Variants in LHX3 observed in about 807,000 individuals in gnomAD.
LHX3 encodes LIM/homeobox protein Lhx3.
In LHX3, 21 loss-of-function variants were observed where a neutral mutation model predicts 32.4. That is an observed-to-expected ratio of 0.65 (90% CI 0.46 to 0.93). The LOEUF (loss-of-function observed/expected upper bound fraction) is 0.93, where lower values mean the gene tolerates loss of function less well. Among genes scored for constraint, LHX3 ranks in the 40% least tolerant of loss-of-function variants. The pLI, the probability that LHX3 is intolerant of heterozygous loss-of-function variation, is 0.00. For missense variants in LHX3, 626 were observed against 560.0 expected, an observed-to-expected ratio of 1.12 and a Z score of -1.19; for synonymous variants, 258 against 246.8, an observed-to-expected ratio of 1.05 and a Z score of -0.43.
At chr9:136,202,197 C>A (rs534241559) in intron 1 of LHX3, among the ~76,000 whole-genome samples, 1 of 151,514 alleles carries the variant, frequency 6.6e-6, no homozygotes, top group African/African-American at 2.4e-5. Context: ...TCCCAGGAAC[C>A]GTCGAAAAAT....
Position 136,198,833 on chromosome 9 carries a change from C to T in LHX3, c.607-13G>A. ...TCTGGAACCAAACCTGGGGGCGGGG[C>T]GGGGTGAGCGGCCGCCCGGCTCTGC... On this transcript the variant is annotated splice_polypyrimidine_tract_variant and intron_variant, in intron 4 of 5. Transcript: ENST00000371748. The T allele has an allele frequency of 6.3e-7, 1 of 1,596,524 alleles. No homozygotes were observed. The highest frequency in any genetic ancestry group is 8.5e-7 in the Non-Finnish European group (1 of 1,173,528).
intron 2 of LHX3, 172 bp downstream of exon 2, chr9:136,200,410 C>T: frequency 1.4e-6 from 1 of 713,718 alleles, no homozygotes; most frequent in Non-Finnish European, 2.4e-6. Flanking sequence ...CATGGAGAGG[C>T]CCCACCCTTA....
Position 136,205,126 on chromosome 9 carries a change from A to T in LHX3, c.-114T>A. Reference sequence around the variant, plus strand: ...GTGCGGGGCAGGGAGCCCGGGAGCCACTGGGCCTGGCGCTGTCCGCGGTGC... The same window carrying T: ...GTGCGGGGCAGGGAGCCCGGGAGCCTCTGGGCCTGGCGCTGTCCGCGGTGC... On this transcript the variant is annotated 5_prime_UTR_variant, in exon 1 of 6. Transcript: ENST00000371748. 2.3e-6 allele frequency: 2 copies of T among 870,538 alleles called. No individual in the cohort carries two copies. The allele number at this position is 870,538 out of a possible 1,614,324, so 53.9% of individuals were successfully genotyped here.
intron 1 of LHX3, 149 bp from the exon 2 acceptor site, chr9:136,200,902 G>A (rs1831625720): frequency 9.8e-7 from 1 of 1,017,502 alleles, no homozygotes; most frequent in African/African-American, 1.6e-5. Context: ...CTCTTCCCCA[G>A]CCAGCTTAAG....
At position 136,197,475 on chromosome 9, in the gene LHX3, G is replaced by T; in HGVS notation, c.1044C>A (p.Pro348=). The T allele has an allele frequency of 6.4e-7, 1 of 1,569,376 alleles. No homozygotes were observed. The highest frequency in any genetic ancestry group is 2.4e-5 in the East Asian group (1 of 42,202). The change falls in exon 6 of 6, where the codon CCC becomes CCA. Residue 348 remains proline (P), a synonymous_variant. Transcript: ENST00000371748. ...VYPDTSLGLV[P]SGAPGGPPPM... is the part of the protein sequence containing the mutation. ...GTGGGGGCCCGCCGGGGGCTCCCGA[G>T]GGCACAAGGCCCAAGCTGGTGTCTG...
chr9:136,204,882 G>A (rs1035394114), intron 1 of LHX3, 52 bp downstream of exon 1: 7 of 1,471,754 alleles, frequency 4.8e-6, no homozygotes, highest in South Asian at 1.2e-5. Flanking sequence ...CCCCTTCCTC[G>A]CGCCTCTGCC....
At chr9:136,204,128 T>C (rs1831706006) in intron 1 of LHX3, among the ~76,000 whole-genome samples, 1 of 152,224 alleles carries the variant, frequency 6.6e-6, no homozygotes, top group Non-Finnish European at 1.5e-5. Context: ...ACAGCAATAC[T>C]CTGTCCACTC....
In LHX3 at chr9:136,197,599, C is replaced by G. The variant is rs182345541; in HGVS notation, c.920G>C (p.Arg307Pro). 2,134 of 1,548,308 alleles carry G rather than the reference C, an allele frequency of 1.4e-3. 2 individuals carry two copies. The highest frequency in any genetic ancestry group is 1.8e-3 in the Non-Finnish European group (2,027 of 1,146,100). The change falls in exon 6 of 6, where the codon CGA becomes CCA. Residue 307 changes from arginine to proline, a missense_variant. Physicochemically the swap from Arg to Pro is moderately radical, Grantham distance 103. Coordinates refer to ENST00000371748, the MANE Select transcript of LHX3 (RefSeq NM_178138.6). ...GTAGGGGCTGCCGGGACGCAGCTCTCGGTACTGCTCTGGGCCTGCCAGGCC... is the reference window on the plus strand; with the variant it reads ...GTAGGGGCTGCCGGGACGCAGCTCTGGGTACTGCTCTGGGCCTGCCAGGCC... ...HGGLAGPEQY[R>P]ELRPGSPYGV...
At chr9:136,200,920 G>A (rs192367603) in intron 1 of LHX3, among the ~76,000 whole-genome samples, 167 bp from the exon 2 acceptor site, 10 of 152,316 alleles carry the variant, frequency 6.6e-5, no homozygotes, top group Admixed American at 5.9e-4. Flanking sequence ...AAGTGGCCCC[G>A]CAAGTTCCGG....
chr9:136,197,761 G>C lies in LHX3; in HGVS notation c.776-18C>G. 1 of 1,598,636 alleles carries C rather than the reference G, an allele frequency of 6.3e-7. No homozygotes were observed. The highest frequency in any genetic ancestry group is 1.1e-5 in the South Asian group (1 of 90,766). On this transcript the variant is annotated intron_variant, in intron 5 of 5. Coordinates refer to ENST00000371748, the MANE Select transcript of LHX3 (RefSeq NM_178138.6). ...AGGCTCATCTGCAACAGAAGCAGAG[G>C]CTCAGTCAGCGCCTGCCCTCCACCT...
chr9:136,200,026 C>T (rs1353833486), intron 2 of LHX3, 146 bp from the exon 3 acceptor site: 1 of 841,188 alleles, frequency 1.2e-6, no homozygotes, highest in Non-Finnish European at 1.9e-6. Flanking sequence ...CCAGCCTGGC[C>T]GCCGGGGCAG....
At chr9:136,204,829 A>C in intron 1 of LHX3, 105 bp downstream of exon 1, 1 of 911,708 alleles carries the variant, frequency 1.1e-6, no homozygotes, top group Non-Finnish European at 1.7e-6. Flanking sequence ...CCGCCTGCAG[A>C]GCGGCGGGAC....
In LHX3 at chr9:136,199,879, G is replaced by T. The variant is rs1042143543; in HGVS notation, c.253C>A (p.Arg85Ser). ...CACGCGGCGCACTTGGTCCCGAAGC[G>T]CCTGCGGGACGCACAGGGCCGGGCT... Reference protein sequence around the residue: ...SVYCKDDFFKRFGTKCAACQL... With the variant: ...SVYCKDDFFKSFGTKCAACQL... Residue 85 changes from arginine (R) to serine (S), a missense_variant and splice_region_variant, in exon 3 of 6, where the codon CGC becomes AGC. By Grantham distance (110) the Arg-to-Ser change is moderately radical. Coordinates refer to ENST00000371748, the MANE Select transcript of LHX3 (RefSeq NM_178138.6). The T allele has an allele frequency of 6.3e-6, 10 of 1,585,926 alleles. No homozygotes were observed. In the Admixed American group the frequency reaches 8.9e-5, roughly 14 times the overall value.
At position 136,197,326 on chromosome 9, in the gene LHX3, C is replaced by T; in HGVS notation, c.1193G>A (p.Ter398=). 6.2e-7 allele frequency: 1 copy of T among 1,611,764 alleles called. No homozygotes were observed. Among genetic ancestry groups the T allele is most frequent in the South Asian group, 1.1e-5 (1 of 91,032 alleles). ...GTGCAGGGTGGAGCCGGGCCTGGGT[C>T]AGAACTGAGCGTGGTCTACCTCATC... ...WLDEVDHAQF[*] The change falls in exon 6 of 6, where the codon TGA becomes TAA. Residue 398 remains the stop codon, a stop_retained_variant. Transcript: ENST00000371748.
chr9:136,199,967 G>T, intron 2 of LHX3, 87 bp from the exon 3 acceptor site: 1 of 1,370,724 alleles, frequency 7.3e-7, no homozygotes, highest in Non-Finnish European at 1.0e-6. Context: ...GCGGCTGCCT[G>T]GGAAGGCGGC....
At chr9:136,200,355 A>G in intron 2 of LHX3, 1 of 598,386 alleles carries the variant, frequency 1.7e-6, no homozygotes, top group Non-Finnish European at 3.0e-6. Context: ...TTTCCAAATA[A>G]TACTTGCTGA....
At chr9:136,200,084 CG>C (rs1564283828) in intron 2 of LHX3, 1 of 688,016 alleles carries the variant, frequency 1.5e-6, no homozygotes, top group East Asian at 2.7e-5. Context: ...AGAAAGACCT[CG>C]GGGAGCCCAG....
At chr9:136,201,748 G>A (rs1831644403) in intron 1 of LHX3, 1 of 968,988 alleles carries the variant, frequency 1.0e-6, no homozygotes, top group African/African-American at 1.8e-5. Flanking sequence ...CCACGCAGTG[G>A]CGGGAAACCG....
chr9:136,197,321 T>C lies in LHX3; in HGVS notation c.*4A>G. 6.2e-7 allele frequency: 1 copy of C among 1,611,614 alleles called. No homozygotes were observed. Among genetic ancestry groups the C allele is most frequent in the Non-Finnish European group, 8.5e-7 (1 of 1,179,850 alleles). ...GTGAGGTGCAGGGTGGAGCCGGGCCTGGGTCAGAACTGAGCGTGGTCTACC... is the reference window on the plus strand; with the variant it reads ...GTGAGGTGCAGGGTGGAGCCGGGCCCGGGTCAGAACTGAGCGTGGTCTACC... On this transcript the variant is annotated 3_prime_UTR_variant, in exon 6 of 6. Coordinates refer to ENST00000371748, the MANE Select transcript of LHX3 (RefSeq NM_178138.6).
Sources: allele counts gnomAD v4.1 joint callset (sites outside exome capture counted in the v4.1 genomes callset), GRCh38; gene constraint gnomAD v4.1.1; transcripts MANE v1.5; gene names NCBI Gene and HGNC (gene_info 2026-07-23, HGNC 2026-07-21).